PDE8A: variants seen among roughly 807,000 people sequenced by gnomAD.
PDE8A encodes the protein phosphodiesterase 8A, also known as high affinity cAMP-specific and IBMX-insensitive 3',5'-cyclic phosphodiesterase 8A.
In PDE8A, 59 loss-of-function variants were observed where a neutral mutation model predicts 105.0. The ratio of observed to expected loss-of-function variants is 0.56; its 90% CI spans 0.46 to 0.70. The LOEUF (loss-of-function observed/expected upper bound fraction) is 0.70, where lower values mean the gene tolerates loss of function less well. PDE8A is among the 30% of genes least tolerant of loss of function. The pLI is 0.00. For missense variants in PDE8A, 1,014 were observed against 1,045.9 expected, an observed-to-expected ratio of 0.97 and a Z score of 0.42; for synonymous variants, 355 against 371.9, an observed-to-expected ratio of 0.95 and a Z score of 0.52.
At chr15:85,020,586 A>G (rs1225965823) in intron 1 of PDE8A, among the ~76,000 whole-genome samples, 1 of 152,226 alleles carries the variant, frequency 6.6e-6, no homozygotes. Flanking sequence ...CCTGAGCGAG[A>G]CTGTGTCTCA....
At chr15:85,026,322 C>T (rs1332211613) in intron 1 of PDE8A, among the ~76,000 whole-genome samples, 1 of 152,018 alleles carries the variant, frequency 6.6e-6, no homozygotes, top group Non-Finnish European at 1.5e-5. Context: ...CATCTGATGT[C>T]TGGGCTGGGG....
Position 85,054,628 on chromosome 15 carries a change from G to A in PDE8A, c.187-9742G>A, listed in dbSNP as rs145873354. ...AGAGGTGTTTATAGTATTCTCTGACGGTAGTTTGTATTTCTGTGGGATCGG... is the reference window on the plus strand; with the variant it reads ...AGAGGTGTTTATAGTATTCTCTGACAGTAGTTTGTATTTCTGTGGGATCGG... On this transcript the variant is annotated intron_variant, in intron 1 of 21. Coordinates refer to ENST00000394553, the MANE Select transcript of PDE8A (RefSeq NM_002605.3). Among the ~76,000 whole-genome samples, 242 of 152,180 alleles carry A rather than the reference G, an allele frequency of 1.6e-3. 2 individuals carry two copies. Among genetic ancestry groups the A allele is most frequent in the African/African-American group, 5.4e-3 (226 of 41,528 alleles).
chr15:84,993,164 C>T (rs2079911677), intron 1 of PDE8A, among the ~76,000 whole-genome samples: 1 of 152,186 alleles, frequency 6.6e-6, no homozygotes, highest in Non-Finnish European at 1.5e-5. Flanking sequence ...CAAGGATCGG[C>T]TGGGCGTGGT....
At chr15:85,000,703 C>T (rs1025773178) in intron 1 of PDE8A, among the ~76,000 whole-genome samples, 6 of 152,180 alleles carry the variant, frequency 3.9e-5, no homozygotes, top group Non-Finnish European at 5.9e-5. Flanking sequence ...GGCTCCTCCC[C>T]ACCAGGTCCA....
At chr15:84,991,559 G>T (rs2079885884) in intron 1 of PDE8A, among the ~76,000 whole-genome samples, 1 of 152,208 alleles carries the variant, frequency 6.6e-6, no homozygotes, top group Non-Finnish European at 1.5e-5. Flanking sequence ...GCCAGGTAGA[G>T]TTGAATATGT....
intron 1 of PDE8A, among the ~76,000 whole-genome samples, chr15:85,005,773 C>T (rs1365272964): frequency 2.0e-5 from 3 of 152,036 alleles, no homozygotes; most frequent in Admixed American, 6.6e-5. Context: ...ATTAGGACTG[C>T]CCTCTCTCGT....
rs780453387 is a variant in PDE8A at position 85,126,193 on chromosome 15, C to T, written c.2086-14C>T. 5.0e-6 allele frequency: 8 copies of T among 1,596,646 alleles called. No individual in the cohort carries two copies. Among genetic ancestry groups the T allele is most frequent in the African/African-American group, 4.0e-5 (3 of 74,250 alleles). On this transcript the variant is annotated splice_polypyrimidine_tract_variant and intron_variant, in intron 19 of 21. Transcript: ENST00000394553. ...GATCCATTTTGATTGCTTTGAATTC[C>T]ACTCATGTTTCAGGAAACTGATAAA...
intron 11 of PDE8A, among the ~76,000 whole-genome samples, chr15:85,101,693 T>C (rs1170016373): frequency 1.3e-5 from 2 of 152,062 alleles, no homozygotes; most frequent in Admixed American, 1.3e-4. Context: ...ATTGCCATGG[T>C]CGAGAGGAAA....
At chr15:85,009,108 A>T (rs200779030) in intron 1 of PDE8A, among the ~76,000 whole-genome samples, 86 of 42,228 alleles carry the variant, frequency 2.0e-3, no homozygotes, top group African/African-American at 9.1e-3. Context: ...AGAGAGAGAG[A>T]GAGTGTGTGT....
At chr15:85,113,775 C>A in intron 13 of PDE8A, 98 bp from the exon 14 acceptor site, 1 of 924,704 alleles carries the variant, frequency 1.1e-6, no homozygotes, top group Non-Finnish European at 1.7e-6. Context: ...CCACCTCAGC[C>A]TCCTGAGTAG....
chr15:85,107,450 A>T (rs7182328), intron 11 of PDE8A, among the ~76,000 whole-genome samples: 4 of 152,136 alleles, frequency 2.6e-5, no homozygotes, highest in African/African-American at 9.7e-5. Flanking sequence ...GAAAGGGATA[A>T]GGTTGGTGTT....
At chr15:85,035,790 A>G (rs1013437029) in intron 1 of PDE8A, among the ~76,000 whole-genome samples, 2 of 152,248 alleles carry the variant, frequency 1.3e-5, no homozygotes, top group African/African-American at 4.8e-5. Flanking sequence ...AAACAGACCA[A>G]CTTTCTGAAG....
At chr15:85,137,736 G>T in intron 21 of PDE8A, 61 bp from the exon 22 acceptor site, 1 of 1,099,634 alleles carries the variant, frequency 9.1e-7, no homozygotes, top group Non-Finnish European at 1.4e-6. Flanking sequence ...TGCTCTTAGT[G>T]AAAGCCTAAA....
chr15:85,020,410 C>G (rs1028928587), intron 1 of PDE8A, among the ~76,000 whole-genome samples: 2 of 152,126 alleles, frequency 1.3e-5, no homozygotes, highest in African/African-American at 4.8e-5. Context: ...TTGAGACCAG[C>G]CTGGCCAACA....
chr15:85,018,227 G>A (rs2080361263), intron 1 of PDE8A, among the ~76,000 whole-genome samples: 2 of 152,150 alleles, frequency 1.3e-5, no homozygotes, highest in Non-Finnish European at 2.9e-5. Flanking sequence ...TATTTTGGAA[G>A]TAGAGTCTGT....
chr15:85,105,260 C>T (rs1456396742), intron 11 of PDE8A, among the ~76,000 whole-genome samples: 1 of 152,064 alleles, frequency 6.6e-6, no homozygotes, highest in Admixed American at 6.6e-5. Flanking sequence ...AGTGAGCTTT[C>T]TTGGGAGGAA....
intron 1 of PDE8A, among the ~76,000 whole-genome samples, chr15:85,058,531 AG>A (rs1223111117): frequency 1.3e-5 from 2 of 152,180 alleles, no homozygotes; most frequent in African/African-American, 2.4e-5. Flanking sequence ...TATTGGGTCC[AG>A]GGGTTTTCTT....
intron 16 of PDE8A, among the ~76,000 whole-genome samples, chr15:85,117,403 G>A (rs1344185746): frequency 6.6e-6 from 1 of 152,170 alleles, no homozygotes; most frequent in African/African-American, 2.4e-5. Flanking sequence ...GCCCCAACGA[G>A]GCTGAGGTCA....
intron 1 of PDE8A, among the ~76,000 whole-genome samples, chr15:84,984,519 T>C (rs1260249880): frequency 6.6e-6 from 1 of 152,244 alleles, no homozygotes; most frequent in Non-Finnish European, 1.5e-5. Context: ...AAACTGTAAG[T>C]CAGCATATCT....
Sources: gnomAD v4.1 joint callset for allele counts (sites outside exome capture counted in the v4.1 genomes callset) on GRCh38, gnomAD v4.1.1 for gene constraint, MANE v1.5 for transcripts, NCBI Gene and HGNC (gene_info 2026-07-23, HGNC 2026-07-21) for gene names.